Variants in DACH1 observed in about 807,000 individuals in gnomAD.
DACH1 encodes dachshund family transcription factor 1.
Under a neutral mutation model 54.2 loss-of-function variants are expected in DACH1, and 12 were observed. The ratio of observed to expected loss-of-function variants is 0.22; its 90% CI spans 0.14 to 0.36. The LOEUF is 0.36. Among genes scored for constraint, DACH1 ranks in the 10% least tolerant of loss-of-function variants. The pLI, the probability that DACH1 is intolerant of heterozygous loss-of-function variation, is 1.00. For missense variants in DACH1, 805 were observed against 929.8 expected, an observed-to-expected ratio of 0.87 and a Z score of 1.75; for synonymous variants, 386 against 366.2, an observed-to-expected ratio of 1.05 and a Z score of -0.62.
At chr13:71,820,704 C>A (rs1047203598) in intron 1 of DACH1, among the ~76,000 whole-genome samples, 8 of 152,228 alleles carry the variant, frequency 5.3e-5, no homozygotes, top group Admixed American at 4.6e-4. Context: ...AATCCACATT[C>A]ATGTAGAAAG....
chr13:71,745,702 G>C (rs186672352), intron 1 of DACH1, among the ~76,000 whole-genome samples: 1 of 152,184 alleles, frequency 6.6e-6, no homozygotes, highest in Non-Finnish European at 1.5e-5. Context: ...GTTACAAAGT[G>C]AGTGGTGCTT....
intron 2 of DACH1, among the ~76,000 whole-genome samples, chr13:71,674,578 C>T (rs781340855): frequency 3.3e-5 from 5 of 152,024 alleles, no homozygotes; most frequent in Non-Finnish European, 5.9e-5. Flanking sequence ...GAGGAAAGGA[C>T]TGGATTCTCC....
At chr13:71,673,970 C>T (rs1594081333) in intron 2 of DACH1, among the ~76,000 whole-genome samples, 1 of 152,170 alleles carries the variant, frequency 6.6e-6, no homozygotes, top group Non-Finnish European at 1.5e-5. Context: ...TGGAGCCTAA[C>T]TGTGCTTAAT....
At chr13:71,566,077 A>T (rs1884879164) in intron 4 of DACH1, among the ~76,000 whole-genome samples, 1 of 152,212 alleles carries the variant, frequency 6.6e-6, no homozygotes, top group South Asian at 2.1e-4. Context: ...TTTGACCAGC[A>T]TTGCCTTTAA....
At chr13:71,746,924 T>TA (rs1884624544) in intron 1 of DACH1, among the ~76,000 whole-genome samples, 1 of 152,194 alleles carries the variant, frequency 6.6e-6, no homozygotes, top group Admixed American at 6.5e-5. Context: ...TTCAGCTTGA[T>TA]AGAGTACACA....
intron 1 of DACH1, among the ~76,000 whole-genome samples, chr13:71,719,975 GT>G (rs1424775498): frequency 1.3e-5 from 2 of 152,170 alleles, no homozygotes; most frequent in African/African-American, 2.4e-5. Flanking sequence ...TTTATTGAGA[GT>G]TTATTACGTA....
At chr13:71,547,227 T>C (rs1204503058) in intron 6 of DACH1, among the ~76,000 whole-genome samples, 1 of 152,124 alleles carries the variant, frequency 6.6e-6, no homozygotes, top group African/African-American at 2.4e-5. Flanking sequence ...TTAGTTGCAC[T>C]CCTCTGCATT....
At chr13:71,628,569 G>A (rs1876835592) in intron 3 of DACH1, among the ~76,000 whole-genome samples, 1 of 151,936 alleles carries the variant, frequency 6.6e-6, no homozygotes, top group African/African-American at 2.4e-5. Flanking sequence ...TTTGGCGTTG[G>A]ATGGGGGGTG....
intron 3 of DACH1, among the ~76,000 whole-genome samples, chr13:71,615,903 C>A (rs1014141768): frequency 6.6e-6 from 1 of 152,022 alleles, no homozygotes. Flanking sequence ...ATAGTGATTG[C>A]AGTGTATCAA....
At chr13:71,639,654 A>G (rs1168930750) in intron 2 of DACH1, among the ~76,000 whole-genome samples, 4 of 152,064 alleles carry the variant, frequency 2.6e-5, no homozygotes, top group Non-Finnish European at 5.9e-5. Flanking sequence ...TCTCAGACTG[A>G]AGAGGTTATA....
intron 2 of DACH1, among the ~76,000 whole-genome samples, chr13:71,677,099 C>A (rs977093227): frequency 6.6e-6 from 1 of 151,652 alleles, no homozygotes; most frequent in Non-Finnish European, 1.5e-5. Context: ...AATACACTAT[C>A]CAAATTGCAT....
intron 1 of DACH1, among the ~76,000 whole-genome samples, chr13:71,806,500 T>C (rs1215288135): frequency 6.6e-6 from 1 of 152,216 alleles, no homozygotes; most frequent in Non-Finnish European, 1.5e-5. Context: ...TATTTTTAAA[T>C]GTTTTTGCCT....
intron 6 of DACH1, among the ~76,000 whole-genome samples, chr13:71,539,025 T>G (rs1882977883): frequency 6.6e-6 from 1 of 152,084 alleles, no homozygotes; most frequent in African/African-American, 2.4e-5. Flanking sequence ...TTTTAATCTT[T>G]TGAATGAGAT....
intron 2 of DACH1, among the ~76,000 whole-genome samples, chr13:71,666,674 G>A (rs931836876): frequency 3.2e-4 from 48 of 151,844 alleles, no homozygotes; most frequent in African/African-American, 9.9e-4. Context: ...CATTTTAGGA[G>A]CAAAAAGTGA....
intron 3 of DACH1, among the ~76,000 whole-genome samples, chr13:71,616,431 T>C (rs1291964896): frequency 1.3e-5 from 2 of 152,220 alleles, no homozygotes; most frequent in Non-Finnish European, 2.9e-5. Flanking sequence ...CAGGAGTTTT[T>C]GCTTATTTTG....
At chr13:71,803,187 A>G (rs887612406) in intron 1 of DACH1, among the ~76,000 whole-genome samples, 4 of 152,136 alleles carry the variant, frequency 2.6e-5, no homozygotes, top group Non-Finnish European at 5.9e-5. Flanking sequence ...TGAACAAACT[A>G]AAACTTTGAG....
chr13:71,784,474 G>T (rs1363363794), intron 1 of DACH1, among the ~76,000 whole-genome samples: 1 of 151,976 alleles, frequency 6.6e-6, no homozygotes, highest in Admixed American at 6.6e-5. Context: ...CACAAAAATG[G>T]CCTATTTTCC....
chr13:71,813,716 C>T (rs931074178), intron 1 of DACH1, among the ~76,000 whole-genome samples: 5 of 151,996 alleles, frequency 3.3e-5, no homozygotes, highest in African/African-American at 4.8e-5. Context: ...GACTCAAAAG[C>T]ACAAGTTCTA....
intron 1 of DACH1, chr13:71,846,238 A>G: frequency 4.0e-6 from 1 of 252,520 alleles, no homozygotes; most frequent in Non-Finnish European, 8.2e-6. Context: ...GGCATGGTTC[A>G]TGCCAAATTC....
Sources: allele counts gnomAD v4.1 joint callset (sites outside exome capture counted in the v4.1 genomes callset), GRCh38; gene constraint gnomAD v4.1.1; transcripts MANE v1.5; gene names NCBI Gene and HGNC (gene_info 2026-07-23, HGNC 2026-07-21).